PCDH15: variants seen among roughly 807,000 people sequenced by gnomAD.
The protein encoded by PCDH15 is protocadherin-15.
PCDH15 carries 129 observed loss-of-function variants against 178.5 expected under a neutral mutation model. That is an observed-to-expected ratio of 0.72 (90% CI 0.63 to 0.84). PCDH15 has a LOEUF of 0.84. Ranked by LOEUF, PCDH15 falls within the 40% of genes least tolerant of loss-of-function variation. The pLI, the probability that PCDH15 is intolerant of heterozygous loss-of-function variation, is 0.00. For missense variants in PCDH15, 2,230 were observed against 2,099.9 expected (o/e 1.06, Z -1.21); for synonymous variants, 800 against 732.0 (o/e 1.09, Z -1.50).
intron 2 of PCDH15, among the ~76,000 whole-genome samples, chr10:55,381,083 C>A (rs561191029): frequency 6.6e-6 from 1 of 152,218 alleles, no homozygotes; most frequent in Non-Finnish European, 1.5e-5. Context: ...GGGACAGAAA[C>A]AATTTTCCCC....
intron 1 of PCDH15, among the ~76,000 whole-genome samples, chr10:55,286,336 A>C (rs1039231148): frequency 1.3e-5 from 2 of 151,876 alleles, no homozygotes; most frequent in African/African-American, 4.8e-5. Flanking sequence ...CCCCTTACAA[A>C]GTATTTGAAT....
At chr10:54,659,463 T>C (rs2094457091) in intron 2 of PCDH15, among the ~76,000 whole-genome samples, 1 of 152,028 alleles carries the variant, frequency 6.6e-6, no homozygotes, top group Admixed American at 6.6e-5. Context: ...ACATTAGAAA[T>C]ATATATCAGC....
At chr10:55,510,121 G>A (rs1444524208) in intron 2 of PCDH15, among the ~76,000 whole-genome samples, 1 of 151,750 alleles carries the variant, frequency 6.6e-6, no homozygotes, top group Non-Finnish European at 1.5e-5. Flanking sequence ...TGTGTTAAAA[G>A]GTTCTACTGA....
At chr10:54,988,833 C>T (rs1331127856) in intron 2 of PCDH15, among the ~76,000 whole-genome samples, 3 of 152,130 alleles carry the variant, frequency 2.0e-5, no homozygotes, top group Non-Finnish European at 4.4e-5. Context: ...CGGAAATTTG[C>T]GTAAGTAACA....
intron 15 of PCDH15, 41 bp from the exon 16 acceptor site, chr10:54,090,104 A>G: frequency 7.1e-7 from 1 of 1,402,818 alleles, no homozygotes; most frequent in Non-Finnish European, 1.0e-6. Context: ...AGTAATTGAT[A>G]TGGCGCCCAC....
chr10:53,832,390 T>A (rs1314583232), intron 29 of PCDH15, among the ~76,000 whole-genome samples: 1 of 151,896 alleles, frequency 6.6e-6, no homozygotes, highest in Admixed American at 6.6e-5. Context: ...TTTTGAACAG[T>A]CCCTTATAAG....
chr10:55,022,452 CAAAAA>C (rs373971818), intron 2 of PCDH15, among the ~76,000 whole-genome samples: 1 of 99,400 alleles, frequency 1.0e-5, no homozygotes. Context: ...ACTCTGTCTC[CAAAAA>C]AAAAAAAAAA....
chr10:55,306,566 T>C (rs963950957), intron 1 of PCDH15, among the ~76,000 whole-genome samples: 2 of 152,206 alleles, frequency 1.3e-5, no homozygotes, highest in African/African-American at 2.4e-5. Flanking sequence ...TGCAGAGTTC[T>C]GAGTATTCTA....
intron 5 of PCDH15, among the ~76,000 whole-genome samples, chr10:54,363,347 T>C (rs1188879634): frequency 6.6e-6 from 1 of 152,178 alleles, no homozygotes; most frequent in Non-Finnish European, 1.5e-5. Flanking sequence ...CTTTTTTCTT[T>C]CTATTTTAAA....
chr10:54,334,452 G>A (rs1940597468), intron 6 of PCDH15, among the ~76,000 whole-genome samples: 1 of 152,100 alleles, frequency 6.6e-6, no homozygotes, highest in Admixed American at 6.6e-5. Flanking sequence ...AGATAAAACG[G>A]CAGCTCTCTG....
chr10:54,992,354 T>C (rs1424957621), intron 2 of PCDH15, among the ~76,000 whole-genome samples: 3 of 152,134 alleles, frequency 2.0e-5, no homozygotes, highest in East Asian at 3.9e-4. Flanking sequence ...TAACGAAGGA[T>C]ACGAGGATGA....
intron 3 of PCDH15, among the ~76,000 whole-genome samples, chr10:54,497,666 G>A (rs573743634): frequency 6.6e-6 from 1 of 151,974 alleles, no homozygotes; most frequent in Non-Finnish European, 1.5e-5. Context: ...CAATAATAAA[G>A]CATTAATAAT....
At chr10:55,092,960 AAAAC>A (rs1204892382) in intron 2 of PCDH15, among the ~76,000 whole-genome samples, 1 of 152,028 alleles carries the variant, frequency 6.6e-6, no homozygotes, top group East Asian at 1.9e-4. Context: ...AACTAAAACT[AAAAC>A]AAAAACAAAG....
At chr10:55,584,454 C>T (rs139589548) in intron 2 of PCDH15, among the ~76,000 whole-genome samples, 3,206 of 151,634 alleles carry the variant, frequency 0.021, 119 homozygotes, top group African/African-American at 0.073. Flanking sequence ...GTCAAGAGAT[C>T]GAGACCATCC....
At chr10:54,474,041 ATAAAG>A (rs934503737) in intron 3 of PCDH15, among the ~76,000 whole-genome samples, 13 of 152,054 alleles carry the variant, frequency 8.5e-5, no homozygotes, top group African/African-American at 3.1e-4. Flanking sequence ...GTGATTCCTG[ATAAAG>A]TAAATTTAGT....
chr10:55,197,609 T>C lies in PCDH15; in HGVS notation c.-155-30958A>G, dbSNP rs149177762. ...CACCAAACAAAATGTTCATAAAAAG[T>C]CATTCATCCAGTGTTAGTGGCTACA... On this transcript the variant is annotated intron_variant, in intron 1 of 5. Transcript: ENST00000458638. Among the ~76,000 whole-genome samples the C allele has an allele frequency of 2.7e-3, 408 of 152,188 alleles. 5 individuals carry two copies. The highest frequency in any genetic ancestry group is 9.0e-3 in the African/African-American group (373 of 41,508).
At chr10:55,049,751 AACTT>A (rs763268936) in intron 2 of PCDH15, among the ~76,000 whole-genome samples, 2 of 152,020 alleles carry the variant, frequency 1.3e-5, no homozygotes, top group East Asian at 1.9e-4. Context: ...AATTTTCCTA[AACTT>A]ACTTAAAAAT....
chr10:54,769,773 G>T (rs143956005), intron 1 of PCDH15, among the ~76,000 whole-genome samples: 2 of 152,148 alleles, frequency 1.3e-5, no homozygotes, highest in African/African-American at 4.8e-5. Flanking sequence ...ATTTCTTCCT[G>T]CATAAGCCAG....
intron 5 of PCDH15, among the ~76,000 whole-genome samples, chr10:54,352,638 A>G (rs1944356929): frequency 6.6e-6 from 1 of 152,182 alleles, no homozygotes; most frequent in South Asian, 2.1e-4. Context: ...AGACATTAAC[A>G]AAAAAGAAGC....
Sources: gnomAD v4.1 joint callset for allele counts (sites outside exome capture counted in the v4.1 genomes callset) on GRCh38, gnomAD v4.1.1 for gene constraint, MANE v1.5 for transcripts, NCBI Gene and HGNC (gene_info 2026-07-23, HGNC 2026-07-21) for gene names.